DAB1: variants seen among roughly 807,000 people sequenced by gnomAD.
DAB1 encodes the protein DAB adaptor protein 1.
A neutral mutation model predicts 64.6 loss-of-function variants in DAB1; 15 were observed. The observed-to-expected ratio is 0.23, with a 90% CI of 0.16 to 0.36. The LOEUF (loss-of-function observed/expected upper bound fraction) is 0.36. DAB1 is among the 10% of genes least tolerant of loss of function. DAB1 has a pLI of 1.00. For synonymous variants in DAB1, 235 were observed against 251.9 expected (o/e 0.93, Z 0.64); for missense variants, 596 against 706.7 (o/e 0.84, Z 1.78).
At chr1:58,041,745 C>T (rs558001274) in intron 5 of DAB1, among the ~76,000 whole-genome samples, 4 of 152,198 alleles carry the variant, frequency 2.6e-5, no homozygotes, top group African/African-American at 9.6e-5. Flanking sequence ...CTAGAATTGG[C>T]ATTGGCTTCC....
intron 4 of DAB1, among the ~76,000 whole-genome samples, chr1:58,225,276 C>T (rs541448793): frequency 6.0e-4 from 92 of 152,238 alleles, no homozygotes; most frequent in Admixed American, 4.3e-3. Flanking sequence ...CATCTCACAC[C>T]AGTTAGAATG....
rs374934164 is a variant in DAB1 at position 57,530,944 on chromosome 1, T to A, written n.625+118648A>T. 5.3e-5 allele frequency among the ~76,000 whole-genome samples: 8 copies of A among 152,264 alleles called. No homozygotes were observed. The East Asian group carries it at 1.5e-3, about 29-fold the overall frequency. ...CTCTTCTCTCTTGCTGAGCAGAGAA[T>A]CTTTTGTTGGTGTTGGCCAATATTG... On this transcript the variant is annotated intron_variant and non_coding_transcript_variant, in intron 7 of 20. Transcript: ENST00000485760.
chr1:57,711,903 A>C (rs1248877684), intron 6 of DAB1, among the ~76,000 whole-genome samples: 3 of 152,222 alleles, frequency 2.0e-5, no homozygotes, highest in Admixed American at 2.0e-4. Context: ...ATCTAGACTA[A>C]CATGTTATTG....
intron 5 of DAB1, among the ~76,000 whole-genome samples, chr1:58,140,702 C>T (rs1322237130): frequency 2.0e-5 from 3 of 152,040 alleles, no homozygotes; most frequent in Admixed American, 2.0e-4. Context: ...GTTCTGTTTC[C>T]CTAAGGTCTA....
At chr1:57,845,458 A>G (rs941634921) in intron 1 of DAB1, among the ~76,000 whole-genome samples, 1 of 152,218 alleles carries the variant, frequency 6.6e-6, no homozygotes, top group South Asian at 2.1e-4. Context: ...GGTAGACAGC[A>G]CAGTCAAGTG....
At chr1:57,784,415 A>C (rs564612618) in intron 6 of DAB1, among the ~76,000 whole-genome samples, 2 of 152,116 alleles carry the variant, frequency 1.3e-5, no homozygotes, top group Non-Finnish European at 2.9e-5. Context: ...AACAAACAAA[A>C]AAAGCTGAGA....
chr1:57,612,500 C>T (rs1209947476), intron 7 of DAB1, among the ~76,000 whole-genome samples: 1 of 151,960 alleles, frequency 6.6e-6, no homozygotes, highest in Admixed American at 6.6e-5. Context: ...AGGACAGAAT[C>T]AGGGGTCAGG....
At chr1:57,325,505 C>T (rs1262815) in intron 1 of DAB1, among the ~76,000 whole-genome samples, 106,437 of 152,176 alleles carry the variant, frequency 0.7, 39,141 homozygotes, top group East Asian at 0.99. Flanking sequence ...GTACCTAATG[C>T]GGTGCTTGGT....
At chr1:58,003,685 C>T (rs1335055313) in intron 5 of DAB1, among the ~76,000 whole-genome samples, 2 of 152,158 alleles carry the variant, frequency 1.3e-5, no homozygotes, top group African/African-American at 4.8e-5. Context: ...TGGGTCATTG[C>T]TTTTTGACTG....
At chr1:57,141,855 C>T (rs547864572) in intron 3 of DAB1, among the ~76,000 whole-genome samples, 2 of 152,080 alleles carry the variant, frequency 1.3e-5, no homozygotes, top group East Asian at 1.9e-4. Context: ...ATAAATTAAA[C>T]GCAAATACAA....
chr1:57,262,338 A>G (rs146018720), intron 2 of DAB1, among the ~76,000 whole-genome samples: 203 of 152,342 alleles, frequency 1.3e-3, no homozygotes, highest in African/African-American at 4.7e-3. Context: ...TAGGCAAAAC[A>G]GTCAAAGAAG....
At chr1:58,192,881 G>C (rs562648864) in intron 4 of DAB1, among the ~76,000 whole-genome samples, 1 of 152,074 alleles carries the variant, frequency 6.6e-6, no homozygotes, top group African/African-American at 2.4e-5. Flanking sequence ...TTTCTGTTTT[G>C]CAAGATGAAA....
Position 57,402,187 on chromosome 1 carries a change from A to AAT in DAB1, c.-137+21741_-137+21742dup, listed in dbSNP as rs1175120954. Among the ~76,000 whole-genome samples, 45 of 152,310 alleles carry AAT rather than the reference A, an allele frequency of 3.0e-4. No homozygotes were observed. The East Asian group carries it at 6.4e-3, about 22-fold the overall frequency. On this transcript the variant is annotated intron_variant, in intron 1 of 14. Coordinates refer to ENST00000371236, the MANE Select transcript of DAB1 (RefSeq NM_001365792.1). ...TCTCATCTTGTAGTCAGGAAATATT[A>AAT]ATTTGCTGATATGCTTTATGCTGGA...
intron 4 of DAB1, among the ~76,000 whole-genome samples, chr1:58,339,779 C>T (rs1477010190): frequency 6.6e-6 from 1 of 152,124 alleles, no homozygotes; most frequent in Non-Finnish European, 1.5e-5. Context: ...ATTTTCCAAA[C>T]AGAAATATTT....
chr1:57,675,215 G>C (rs951847809), intron 6 of DAB1, among the ~76,000 whole-genome samples: 2 of 152,100 alleles, frequency 1.3e-5, no homozygotes, highest in Non-Finnish European at 2.9e-5. Flanking sequence ...CAGAGATTTG[G>C]GGATATTTTA....
intron 3 of DAB1, among the ~76,000 whole-genome samples, chr1:58,389,452 T>G (rs1259112456): frequency 6.6e-6 from 1 of 152,142 alleles, no homozygotes; most frequent in Non-Finnish European, 1.5e-5. Flanking sequence ...AAGAACTGCC[T>G]ATAACACCAA....
At chr1:58,054,147 C>T (rs922985860) in intron 5 of DAB1, among the ~76,000 whole-genome samples, 9 of 152,236 alleles carry the variant, frequency 5.9e-5, no homozygotes, top group African/African-American at 1.7e-4. Flanking sequence ...CAGATAAAGA[C>T]GCTAAGTCTT....
intron 7 of DAB1, among the ~76,000 whole-genome samples, chr1:57,441,581 T>C (rs1346524828): frequency 6.6e-6 from 1 of 152,080 alleles, no homozygotes; most frequent in East Asian, 1.9e-4. Flanking sequence ...CTCGAACTCC[T>C]GAGCTTAAGC....
At chr1:58,221,738 T>G (rs934097703) in intron 4 of DAB1, among the ~76,000 whole-genome samples, 5 of 152,206 alleles carry the variant, frequency 3.3e-5, no homozygotes, top group African/African-American at 9.7e-5. Flanking sequence ...TGGGGAGCTA[T>G]GCAAATGCAA....
Sources: allele counts gnomAD v4.1 joint callset (sites outside exome capture counted in the v4.1 genomes callset), GRCh38; gene constraint gnomAD v4.1.1; transcripts MANE v1.5; gene names NCBI Gene and HGNC (gene_info 2026-07-23, HGNC 2026-07-21).